The following CHL1 variants were observed in gnomAD, a reference collection of about 807,000 sequenced individuals.
CHL1 encodes cell adhesion molecule L1 like, also known as neural cell adhesion molecule L1-like protein.
A neutral mutation model predicts 141.9 loss-of-function variants in CHL1; 96 were observed. That is an observed-to-expected ratio of 0.68 (90% CI 0.57 to 0.80). The LOEUF (loss-of-function observed/expected upper bound fraction) is 0.80. Among genes scored for constraint, CHL1 ranks in the 30% least tolerant of loss-of-function variants. CHL1 has a pLI of 0.00. For synonymous variants in CHL1, 613 were observed against 502.2 expected (o/e 1.22, Z -2.95); for missense variants, 1,820 against 1,457.2 (o/e 1.25, Z -4.05).
At chr3:372,948 G>T (rs1280317307) in intron 15 of CHL1, among the ~76,000 whole-genome samples, 3 of 152,148 alleles carry the variant, frequency 2.0e-5, no homozygotes, top group African/African-American at 7.2e-5. Flanking sequence ...ACTCAAGGAG[G>T]CTGGAGAACA....
intron 1 of CHL1, among the ~76,000 whole-genome samples, chr3:209,761 T>A (rs1331040127): frequency 1.3e-5 from 2 of 152,190 alleles, no homozygotes; most frequent in Admixed American, 1.3e-4. Flanking sequence ...CCACCCTGTG[T>A]CCAAGTGTTC....
chr3:360,600 T>TATTA (rs59473555), intron 12 of CHL1, among the ~76,000 whole-genome samples, 176 bp downstream of exon 12: 7 of 151,342 alleles, frequency 4.6e-5, no homozygotes, highest in Non-Finnish European at 7.4e-5. Context: ...CTTTTTTTTT[T>TATTA]TTATTATACT....
intron 11 of CHL1, 82 bp downstream of exon 11, chr3:354,853 A>T: frequency 6.5e-7 from 1 of 1,540,682 alleles, no homozygotes; most frequent in Non-Finnish European, 8.8e-7. Flanking sequence ...GTGTAAAATG[A>T]AGTTGGTATG....
intron 2 of CHL1, among the ~76,000 whole-genome samples, chr3:296,753 A>G (rs1698222582): frequency 6.6e-6 from 1 of 152,232 alleles, no homozygotes; most frequent in African/African-American, 2.4e-5. Context: ...CCAGTTTTAT[A>G]TATTTATATA....
intron 1 of CHL1, among the ~76,000 whole-genome samples, chr3:198,666 A>G (rs572744667): frequency 1.3e-5 from 2 of 152,380 alleles, no homozygotes; most frequent in South Asian, 4.1e-4. Context: ...TATTTGATGC[A>G]TAATAAGCAC....
At chr3:301,661 A>T (rs558538718) in intron 2 of CHL1, among the ~76,000 whole-genome samples, 1 of 152,210 alleles carries the variant, frequency 6.6e-6, no homozygotes, top group Non-Finnish European at 1.5e-5. Context: ...TTCTAAAGAG[A>T]TGCGGCATTG....
chr3:322,460 A>G (rs1242773227), intron 3 of CHL1, among the ~76,000 whole-genome samples: 3 of 150,738 alleles, frequency 2.0e-5, no homozygotes, highest in Non-Finnish European at 3.0e-5. Flanking sequence ...TTTATCATAA[A>G]CCTAAGACGC....
intron 5 of CHL1, among the ~76,000 whole-genome samples, chr3:339,336 T>A (rs1242525025): frequency 6.6e-6 from 1 of 152,254 alleles, no homozygotes; most frequent in Non-Finnish European, 1.5e-5. Flanking sequence ...GGCATGATGT[T>A]TTATCTACAA....
intron 2 of CHL1, among the ~76,000 whole-genome samples, chr3:319,120 A>ACAT (rs1281723780): frequency 6.6e-6 from 1 of 151,900 alleles, no homozygotes; most frequent in Non-Finnish European, 1.5e-5. Context: ...ATACACACGG[A>ACAT]CATAAAGATA....
chr3:261,532 T>G lies in CHL1; in HGVS notation c.-95+16840T>G, dbSNP rs1052293815. Among the ~76,000 whole-genome samples, 18 of 152,334 alleles carry G rather than the reference T, an allele frequency of 1.2e-4. No homozygotes were observed. In the East Asian group the frequency reaches 2.9e-3, roughly 24 times the overall value. ...TTAAATTTTATATTCACTACCTGTT[T>G]GGCCTCAAAAAGTCACAAACTCATT... is the stretch of plus-strand genomic sequence containing the variant. On this transcript the variant is annotated intron_variant, in intron 2 of 27. Transcript: ENST00000256509.
intron 9 of CHL1, 109 bp downstream of exon 9, chr3:344,818 T>TA (rs1374628398): frequency 2.6e-6 from 3 of 1,147,670 alleles, no homozygotes; most frequent in Admixed American, 2.5e-5. Context: ...ATTATTTCCT[T>TA]AAAAAAATTA....
intron 2 of CHL1, among the ~76,000 whole-genome samples, chr3:300,629 G>T (rs1698637471): frequency 1.3e-5 from 2 of 152,266 alleles, no homozygotes; most frequent in South Asian, 2.1e-4. Flanking sequence ...ACGACATGAT[G>T]ATGAGCAAAG....
At chr3:359,002 T>A (rs1302370666) in intron 11 of CHL1, among the ~76,000 whole-genome samples, 1 of 147,630 alleles carries the variant, frequency 6.8e-6, no homozygotes, top group East Asian at 1.9e-4. Context: ...ATACGGATAT[T>A]ATATATAATA....
At chr3:228,240 T>C (rs902045972) in intron 1 of CHL1, among the ~76,000 whole-genome samples, 1 of 152,208 alleles carries the variant, frequency 6.6e-6, no homozygotes, top group African/African-American at 2.4e-5. Flanking sequence ...CAGGGGAATG[T>C]TTGAAGAATC....
intron 1 of CHL1, among the ~76,000 whole-genome samples, chr3:216,281 T>C (rs981734023): frequency 6.6e-6 from 1 of 152,182 alleles, no homozygotes. Context: ...TCTTTAAGGG[T>C]GTTTAACAGA....
intron 1 of CHL1, among the ~76,000 whole-genome samples, chr3:240,785 T>C (rs1395258571): frequency 6.6e-6 from 1 of 151,906 alleles, no homozygotes; most frequent in Non-Finnish European, 1.5e-5. Flanking sequence ...AGGTAGGAGA[T>C]GAGGATCCAG....
At chr3:212,953 C>T (rs1700020497) in intron 1 of CHL1, among the ~76,000 whole-genome samples, 2 of 152,158 alleles carry the variant, frequency 1.3e-5, no homozygotes, top group Non-Finnish European at 2.9e-5. Context: ...ACAAAATATA[C>T]TAACTTAAAA....
chr3:218,130 C>T (rs954986855), intron 1 of CHL1, among the ~76,000 whole-genome samples: 14 of 152,262 alleles, frequency 9.2e-5, no homozygotes, highest in East Asian at 1.9e-4. Context: ...GTTTACGATA[C>T]GTGTTTTCAG....
intron 10 of CHL1, among the ~76,000 whole-genome samples, chr3:352,690 C>T (rs921781475): frequency 6.6e-6 from 1 of 152,076 alleles, no homozygotes; most frequent in Non-Finnish European, 1.5e-5. Flanking sequence ...TCAGGACCAG[C>T]TTACTTCTAT....
Sources: allele counts gnomAD v4.1 joint callset (sites outside exome capture counted in the v4.1 genomes callset), GRCh38; gene constraint gnomAD v4.1.1; transcripts MANE v1.5; gene names NCBI Gene and HGNC (gene_info 2026-07-23, HGNC 2026-07-21).